Variants in TUBGCP6 observed in about 807,000 individuals in gnomAD.
TUBGCP6 encodes tubulin gamma complex component 6.
TUBGCP6 carries 161 observed loss-of-function variants against 175.8 expected under a neutral mutation model. The observed-to-expected ratio is 0.92, with a 90% CI of 0.81 to 1.04. TUBGCP6 has a LOEUF of 1.04. Ranked by LOEUF, TUBGCP6 falls within the 50% of genes least tolerant of loss-of-function variation. The probability of loss-of-function intolerance (pLI) is 0.00; values close to 1 mark genes in which losing one functional copy is unlikely to be tolerated. For synonymous variants in TUBGCP6, 1,173 were observed against 1,030.5 expected, an observed-to-expected ratio of 1.14 and a Z score of -2.65; for missense variants, 2,572 against 2,433.0, an observed-to-expected ratio of 1.06 and a Z score of -1.20.
At position 50,224,131 on chromosome 22, in the gene TUBGCP6, G is replaced by A. The variant is rs1468775429; in HGVS notation, c.2270+10C>T. The A allele has an allele frequency of 1.9e-6, 3 of 1,611,558 alleles. No individual in the cohort carries two copies. Among genetic ancestry groups the A allele is most frequent in the South Asian group, 2.2e-5 (2 of 91,042 alleles). ...CTGCACCCCTGGGCCTGGAGCCCGG[G>A]CTGCCCTACCTCGCCTTCCTCTCCA... On this transcript the variant is annotated intron_variant, in intron 13 of 24. Coordinates refer to ENST00000248846, the MANE Select transcript of TUBGCP6 (RefSeq NM_020461.4).
intron 1 of TUBGCP6, among the ~76,000 whole-genome samples, chr22:50,241,002 G>A (rs1020735792): frequency 3.3e-5 from 5 of 152,268 alleles, no homozygotes; most frequent in Middle Eastern, 3.4e-3. Flanking sequence ...AGCCACCCAG[G>A]TGCCGAGGCA....
chr22:50,232,195 G>A (rs981237605), intron 3 of TUBGCP6, among the ~76,000 whole-genome samples: 14 of 151,562 alleles, frequency 9.2e-5, no homozygotes, highest in African/African-American at 2.9e-4. Flanking sequence ...GTGAAACCCC[G>A]TCTCTACTAA....
Position 50,220,269 on chromosome 22 carries a change from T to C in TUBGCP6, c.4090A>G (p.Ser1364Gly). The C allele has an allele frequency of 6.4e-7, 1 of 1,560,496 alleles. No homozygotes were observed. The highest frequency in any genetic ancestry group is 8.7e-7 in the Non-Finnish European group (1 of 1,148,800). ...CTCTGACCTAGTTCTTCAGAGACAC[T>C]GTCTCCCGGGGTGTTGGGCCACCAT... ...QPWWPNTPGD[S>G]VSEELGPGRS... The change falls in exon 16 of 25, where the codon AGT (serine) becomes GGT (glycine). Residue 1364 changes from serine to glycine, a missense_variant. Ser to Gly is a moderately conservative substitution (Grantham distance 56). Coordinates refer to ENST00000248846, the MANE Select transcript of TUBGCP6 (RefSeq NM_020461.4).
intron 1 of TUBGCP6, among the ~76,000 whole-genome samples, chr22:50,242,289 C>CA (rs923141246): frequency 4.5e-4 from 63 of 138,588 alleles, no homozygotes; most frequent in African/African-American, 6.9e-4. Flanking sequence ...GAGACTGTGT[C>CA]AAAAAAAAAA....
Position 50,224,438 on chromosome 22 carries a change from G to C in TUBGCP6, c.2066-18C>G, listed in dbSNP as rs751096438. ...CTGCCGGTCTACATTGGGACAGTAA[G>C]GGGCGCACTGTCACAAGGAGGCCCC... On this transcript the variant is annotated intron_variant, in intron 11 of 24. Transcript: ENST00000248846. The C allele has an allele frequency of 6.2e-7, 1 of 1,614,186 alleles. No individual in the cohort carries two copies. The highest frequency in any genetic ancestry group is 2.2e-5 in the East Asian group (1 of 44,892).
rs776613206 is a variant in TUBGCP6 at position 50,218,232 on chromosome 22, TCTC to T, written c.5122_5124del (p.Glu1708del). On this transcript the variant is annotated inframe_deletion, in exon 23 of 25. Coordinates refer to ENST00000248846, the MANE Select transcript of TUBGCP6 (RefSeq NM_020461.4). ...AGGTACTCTGCGTGCGCACGCTGGA[TCTC>T]CTCCAGGTCGCCCACGGTGGCCAAC... 2.5e-6 allele frequency: 4 copies of T among 1,612,838 alleles called. No homozygotes were observed. The highest frequency in any genetic ancestry group is 2.2e-5 in the South Asian group (2 of 91,076).
intron 10 of TUBGCP6, among the ~76,000 whole-genome samples, chr22:50,225,481 A>T (rs2064591635): frequency 6.6e-6 from 1 of 152,048 alleles, no homozygotes; most frequent in African/African-American, 2.4e-5. Context: ...GGAGTTTCCC[A>T]CGCCAGCAAA....
At chr22:50,233,193 G>C in intron 3 of TUBGCP6, 123 bp downstream of exon 3, 1 of 1,128,504 alleles carries the variant, frequency 8.9e-7, no homozygotes, top group Non-Finnish European at 1.3e-6. Flanking sequence ...CTGGGAGCTG[G>C]CCTTCCCTGC....
intron 2 of TUBGCP6, 161 bp downstream of exon 2, chr22:50,240,043 T>C: frequency 1.0e-6 from 1 of 976,192 alleles, no homozygotes; most frequent in South Asian, 1.5e-5. Context: ...GCATCTCTCT[T>C]AACTCCCAGG....
intron 2 of TUBGCP6, 117 bp downstream of exon 2, chr22:50,240,087 T>C: frequency 2.7e-5 from 38 of 1,402,654 alleles, no homozygotes; most frequent in Non-Finnish European, 3.7e-5. Context: ...CTTAGGTTAC[T>C]AACCCATCAC....
At position 50,220,404 on chromosome 22, in the gene TUBGCP6, G is replaced by A; in HGVS notation, c.3955C>T (p.Pro1319Ser). 6.3e-7 allele frequency: 1 copy of A among 1,580,672 alleles called. No homozygotes were observed. Among genetic ancestry groups the A allele is most frequent in the Non-Finnish European group, 8.6e-7 (1 of 1,159,458 alleles). Residue 1319 changes from proline to serine, a missense_variant, in exon 16 of 25, where the codon CCA becomes TCA. Transcript: ENST00000248846. ...GAQSTVLDCG[P>S]RLPVEVGPSL... ...GGCCCCACTTCTACAGGCAGCCGTG[G>A]CCCACAGTCCAGCACAGTGCTCTGT...
In TUBGCP6 at chr22:50,221,113, G is replaced by A. The variant is rs372021422; in HGVS notation, c.3246C>T (p.His1082=). 35 of 1,611,274 alleles carry A rather than the reference G, an allele frequency of 2.2e-5. No homozygotes were observed. The highest frequency in any genetic ancestry group is 1.6e-4 in the African/African-American group (12 of 73,866). The change falls in exon 16 of 25, where the codon CAC becomes CAT. Residue 1082 remains histidine (H), a synonymous_variant. Coordinates refer to ENST00000248846, the MANE Select transcript of TUBGCP6 (RefSeq NM_020461.4). ...PTQPRWNTHG[H]VSNASISLGE... ...CTAAGCTGATGCTGGCATTGGATAC[G>A]TGTCCGTGGGTGTTCCACCGTGGCT... is the stretch of plus-strand genomic sequence containing the variant.
In TUBGCP6 at chr22:50,244,386, TG is replaced by T. The variant is rs1182736605; in HGVS notation, c.73del (p.Gln25SerfsTer4). The T allele has an allele frequency of 6.2e-7, 1 of 1,613,336 alleles. No homozygotes were observed. The highest frequency in any genetic ancestry group is 1.1e-5 in the South Asian group (1 of 91,090). ...TGCCCTCTTCCGGTTCACACTGCGC[TG>T]GCCCAGGTGAGTCTTGGCAGCCGGC... The part of the protein sequence containing the change: ...LLPAAKTHLG[Q>X]RSVNRKRAKR... On this transcript the variant is annotated frameshift_variant, in exon 1 of 25. Coordinates refer to ENST00000248846, the MANE Select transcript of TUBGCP6 (RefSeq NM_020461.4). LOFTEE classifies it high-confidence loss of function.
chr22:50,227,960 G>C lies in TUBGCP6; in HGVS notation c.1359C>G (p.Thr453=), dbSNP rs113263675. The change falls in exon 5 of 25, where the codon ACC becomes ACG. Residue 453 remains threonine, a synonymous_variant. Transcript: ENST00000248846. ...GAAAACCAATGGTGAGGAGGCTCAG[G>C]GTGGGCGGAGTGGAAAGGACGCAGG... ...YRACVLSTPP[T]LSLLTIGFLF... 6.1e-5 allele frequency: 96 copies of C among 1,572,258 alleles called. 5 individuals are homozygous for C. In the African/African-American group the frequency reaches 7.8e-4, roughly 13 times the overall value.
At chr22:50,231,146 TTA>T (rs757418870) in intron 3 of TUBGCP6, among the ~76,000 whole-genome samples, 82 of 124,716 alleles carry the variant, frequency 6.6e-4, no homozygotes, top group Non-Finnish European at 1.0e-3. Flanking sequence ...CAAAAAATAA[TTA>T]GAGCAGAAAT....
Position 50,244,625 on chromosome 22 carries a change from G to T in TUBGCP6, c.-166C>A. 8.1e-7 allele frequency: 1 copy of T among 1,227,724 alleles called. No individual in the cohort carries two copies. The highest frequency in any genetic ancestry group is 1.6e-5 in the South Asian group (1 of 62,718). 76.1% of individuals were successfully genotyped at this position (1,227,724 alleles called of 1,614,324 possible). A position where few individuals can be genotyped will look rare whatever the true frequency, so the allele number is the denominator to read the frequency against. ...GGTATTTTTTAAAGGAGGTCTTGCGGTTGCTCTACTCAGAGTAAACACGCC... is the reference window on the plus strand; with the variant it reads ...GGTATTTTTTAAAGGAGGTCTTGCGTTTGCTCTACTCAGAGTAAACACGCC... On this transcript the variant is annotated 5_prime_UTR_variant, in exon 1 of 25. Coordinates refer to ENST00000248846, the MANE Select transcript of TUBGCP6 (RefSeq NM_020461.4).
intron 4 of TUBGCP6, 88 bp from the exon 5 acceptor site, chr22:50,228,116 C>A: frequency 2.1e-6 from 3 of 1,395,884 alleles, no homozygotes; most frequent in Middle Eastern, 2.6e-4. Context: ...CTGGGAACAG[C>A]GCTTTGTTTC....
rs1239346075 is a variant in TUBGCP6, at chr22:50,224,275, C to A, written c.2155-19G>T. On this transcript the variant is annotated intron_variant, in intron 12 of 24. Transcript: ENST00000248846. ...GGCGTCGCTATAAAACACATAGAGC[C>A]TGGCCTGTGAAATCAGAACTGACAG... The A allele has an allele frequency of 6.2e-7, 1 of 1,614,238 alleles. No homozygotes were observed. Among genetic ancestry groups the A allele is most frequent in the Admixed American group, 1.7e-5 (1 of 60,024 alleles).
chr22:50,236,480 C>T (rs1157796295), intron 2 of TUBGCP6, among the ~76,000 whole-genome samples: 1 of 152,180 alleles, frequency 6.6e-6, no homozygotes, highest in African/African-American at 2.4e-5. Flanking sequence ...TGGGCTGGTA[C>T]AGGCAGCCCT....
Sources: allele counts gnomAD v4.1 joint callset (sites outside exome capture counted in the v4.1 genomes callset), GRCh38; gene constraint gnomAD v4.1.1; transcripts MANE v1.5; gene names NCBI Gene and HGNC (gene_info 2026-07-23, HGNC 2026-07-21).